The following SYT17 variants were observed in gnomAD, a reference collection of about 807,000 sequenced individuals.
The protein encoded by SYT17 is synaptotagmin 17, also known as synaptotagmin-17.
A neutral mutation model predicts 46.7 loss-of-function variants in SYT17; 22 were observed. The ratio of observed to expected loss-of-function variants is 0.47; its 90% confidence interval spans 0.34 to 0.67. SYT17 has a LOEUF of 0.67. SYT17 is among the 30% of genes least tolerant of loss of function. The pLI is 0.01. For missense variants in SYT17, 519 were observed against 612.8 expected, an observed-to-expected ratio of 0.85 and a Z score of 1.62; for synonymous variants, 251 against 248.4, an observed-to-expected ratio of 1.01 and a Z score of -0.10.
chr16:19,186,014 T>C (rs938484654), intron 5 of SYT17, among the ~76,000 whole-genome samples: 68 of 152,248 alleles, frequency 4.5e-4, no homozygotes, highest in Non-Finnish European at 7.2e-4. Flanking sequence ...TGAGTTAATC[T>C]CGGGGCTGCC....
At position 19,188,060 on chromosome 16, in the gene SYT17, A is replaced by G. The variant is rs145791152; in HGVS notation, c.951+3913A>G. ...TTATGTTCATTGCAGCACTATTCAC[A>G]ATAGCAAAGGCATGGAATCGACCTA... On this transcript the variant is annotated intron_variant, in intron 5 of 7. Coordinates refer to ENST00000355377, the MANE Select transcript of SYT17 (RefSeq NM_016524.4). Among the ~76,000 whole-genome samples, 1,102 of 152,364 alleles carry G rather than the reference A, an allele frequency of 7.2e-3. 7 individuals are homozygous for G. The highest frequency in any genetic ancestry group is 0.012 in the Non-Finnish European group (817 of 68,038).
intron 3 of SYT17, among the ~76,000 whole-genome samples, chr16:19,177,094 C>G (rs1200568739): frequency 6.6e-6 from 1 of 152,160 alleles, no homozygotes; most frequent in African/African-American, 2.4e-5. Context: ...TCATGTTGAG[C>G]TGGAGGACAG....
chr16:19,242,148 T>C (rs1967179274), intron 7 of SYT17, among the ~76,000 whole-genome samples: 1 of 152,226 alleles, frequency 6.6e-6, no homozygotes, highest in Non-Finnish European at 1.5e-5. Flanking sequence ...GCTGCATTAG[T>C]TGCTGAAGAA....
At chr16:19,256,437 A>AACACACACAC (rs57120408) in intron 7 of SYT17, among the ~76,000 whole-genome samples, 3,123 of 128,986 alleles carry the variant, frequency 0.024, 111 homozygotes, top group African/African-American at 0.051. Flanking sequence ...CCCCTCTTCA[A>AACACACACAC]ACACACACAC....
At chr16:19,236,398 G>T (rs995953740) in intron 7 of SYT17, among the ~76,000 whole-genome samples, 9 of 152,152 alleles carry the variant, frequency 5.9e-5, no homozygotes, top group African/African-American at 2.2e-4. Flanking sequence ...CTTAGGGACG[G>T]GAAGTGCAAT....
At chr16:19,200,227 C>T (rs576517048) in intron 5 of SYT17, among the ~76,000 whole-genome samples, 4 of 152,362 alleles carry the variant, frequency 2.6e-5, no homozygotes, top group Non-Finnish European at 5.9e-5. Context: ...ACAAATACAA[C>T]ATGGGCTGCA....
chr16:19,254,910 A>C (rs186500208), intron 7 of SYT17, among the ~76,000 whole-genome samples: 1 of 152,352 alleles, frequency 6.6e-6, no homozygotes, highest in Non-Finnish European at 1.5e-5. Context: ...CAATCTCCAC[A>C]CTGAGGCATA....
intron 7 of SYT17, chr16:19,250,118 G>T: frequency 6.9e-7 from 1 of 1,456,284 alleles, no homozygotes; most frequent in Non-Finnish European, 9.0e-7. Flanking sequence ...TAAAGGCTTT[G>T]GTTTAACATT....
chr16:19,181,753 A>G (rs1964566079), intron 4 of SYT17, among the ~76,000 whole-genome samples: 1 of 151,872 alleles, frequency 6.6e-6, no homozygotes, highest in African/African-American at 2.4e-5. Context: ...TAATCCCAGC[A>G]CTTTGGGAGG....
Position 19,228,152 on chromosome 16 carries a change from C to T in SYT17, c.1228+3314C>T, listed in dbSNP as rs112443424. Among the ~76,000 whole-genome samples the T allele has an allele frequency of 4.6e-5, 7 of 152,096 alleles. No homozygotes were observed. The South Asian group carries it at 1.0e-3, about 23-fold the overall frequency. On this transcript the variant is annotated intron_variant, in intron 7 of 7. Transcript: ENST00000355377. ...TTGCATATAGTTGCAGAGGTTTTTT[C>T]GAATTCCTTGAATTCCATATGGTTA...
At chr16:19,179,744 G>A (rs907256557) in intron 3 of SYT17, among the ~76,000 whole-genome samples, 4 of 152,108 alleles carry the variant, frequency 2.6e-5, no homozygotes, top group South Asian at 2.1e-4. Flanking sequence ...ACCCTGTATC[G>A]TCTTCCTTCT....
At chr16:19,209,155 C>T (rs1478127428) in intron 5 of SYT17, among the ~76,000 whole-genome samples, 3 of 151,980 alleles carry the variant, frequency 2.0e-5, no homozygotes, top group African/African-American at 4.8e-5. Flanking sequence ...AGGCGCGAGC[C>T]ACTGCACCCT....
chr16:19,213,594 C>G (rs1965985865), intron 5 of SYT17, among the ~76,000 whole-genome samples: 3 of 152,238 alleles, frequency 2.0e-5, no homozygotes, highest in African/African-American at 7.2e-5. Flanking sequence ...CAGATAGCCT[C>G]AAACTCTTGG....
Position 19,267,187 on chromosome 16 carries a change from AC to A in SYT17, c.*112del. 2.3e-6 allele frequency: 2 copies of A among 870,880 alleles called. No homozygotes were observed. Among genetic ancestry groups the A allele is most frequent in the Non-Finnish European group, 3.4e-6 (2 of 588,176 alleles). 53.9% of individuals were successfully genotyped at this position (870,880 alleles called of 1,614,324 possible). ...CTGCATACACACTCGCAACATGTCT[AC>A]ACACGTCCACACACACAGACACACA... On this transcript the variant is annotated 3_prime_UTR_variant, in exon 8 of 8. Transcript: ENST00000355377.
chr16:19,241,823 G>T lies in SYT17; in HGVS notation c.1228+16985G>T, dbSNP rs80242799. ...GTGGGTCCCATCCAGTCATACAAGG[G>T]TGGGGACAGCACAGTTGGCTGCCTT... On this transcript the variant is annotated intron_variant, in intron 7 of 7. Transcript: ENST00000355377. Among the ~76,000 whole-genome samples, 854 of 152,308 alleles carry T rather than the reference G, an allele frequency of 5.6e-3. 4 individuals are homozygous for T. The highest frequency in any genetic ancestry group is 0.02 in the African/African-American group (811 of 41,568).
At chr16:19,173,202 GGCTCCAGCGAGTTGAT>G in intron 2 of SYT17, 1 of 556,048 alleles carries the variant, frequency 1.8e-6, no homozygotes, top group Non-Finnish European at 3.1e-6. Flanking sequence ...TGCTACTAAC[GGCTCCAGCGAGTTGAT>G]GTTTGCTATC....
At chr16:19,180,677 G>C (rs1186606738) in intron 4 of SYT17, 138 bp downstream of exon 4, 2 of 991,326 alleles carry the variant, frequency 2.0e-6, no homozygotes, top group East Asian at 5.1e-5. Flanking sequence ...CAGGGCGAGA[G>C]AGAGATAATG....
At chr16:19,173,644 C>G (rs751229071) in intron 3 of SYT17, 66 bp downstream of exon 3, 1 of 1,558,684 alleles carries the variant, frequency 6.4e-7, no homozygotes, top group Non-Finnish European at 8.7e-7. Context: ...AATGAGAAGG[C>G]GGGTTGGGGG....
At chr16:19,199,234 G>T (rs1965370544) in intron 5 of SYT17, among the ~76,000 whole-genome samples, 2 of 152,110 alleles carry the variant, frequency 1.3e-5, no homozygotes, top group Admixed American at 1.3e-4. Flanking sequence ...TTTTCTATAT[G>T]TGGTCCCACT....
Sources: allele counts gnomAD v4.1 joint callset (sites outside exome capture counted in the v4.1 genomes callset), GRCh38; gene constraint gnomAD v4.1.1; transcripts MANE v1.5; gene names NCBI Gene and HGNC (gene_info 2026-07-23, HGNC 2026-07-21).